Variants in ATXN2 observed in about 807,000 individuals in gnomAD.
The protein encoded by ATXN2 is ataxin 2, also known as ataxin-2.
Under a neutral mutation model 138.6 loss-of-function variants are expected in ATXN2, and 37 were observed. The ratio of observed to expected loss-of-function variants is 0.27; its 90% confidence interval spans 0.21 to 0.35. ATXN2 has a LOEUF of 0.35. Among genes scored for constraint, ATXN2 ranks in the 10% least tolerant of loss-of-function variants. ATXN2 has a pLI of 1.00. For missense variants in ATXN2, 1,216 were observed against 1,480.3 expected, an observed-to-expected ratio of 0.82 and a Z score of 2.93; for synonymous variants, 549 against 543.7, an observed-to-expected ratio of 1.01 and a Z score of -0.13.
intron 10 of ATXN2, among the ~76,000 whole-genome samples, chr12:111,515,678 G>C (rs892704290): frequency 1.3e-5 from 2 of 152,118 alleles, no homozygotes; most frequent in East Asian, 3.8e-4. Flanking sequence ...TTTAATCTAA[G>C]GGCAGACACG....
At chr12:111,568,534 CTAAT>C (rs1256636884) in intron 1 of ATXN2, among the ~76,000 whole-genome samples, 1 of 152,122 alleles carries the variant, frequency 6.6e-6, no homozygotes, top group African/African-American at 2.4e-5. Flanking sequence ...ATAGAAGTAA[CTAAT>C]TTTCTTTGGC....
chr12:111,583,916 G>A lies in ATXN2; in HGVS notation c.251+14868C>T, dbSNP rs149654844. Among the ~76,000 whole-genome samples the A allele has an allele frequency of 1.4e-3, 211 of 151,672 alleles. 2 individuals are homozygous for A. Among genetic ancestry groups the A allele is most frequent in the East Asian group, 0.012 (60 of 5,166 alleles). ...TAATACACAATTATACTAAAAAACT[G>A]GTCAATGTTCATCAAAAATTCAAAT... On this transcript the variant is annotated intron_variant, in intron 1 of 24. Transcript: ENST00000673436.
chr12:111,485,391 G>A lies in ATXN2; in HGVS notation c.2458-60C>T, dbSNP rs969697347. On this transcript the variant is annotated intron_variant, in intron 17 of 24. Transcript: ENST00000673436. Reference sequence around the variant, plus strand: ...ACCTATGATAATAACAAGGTATTCTGTCACTCTTAGTTTTATATTGCTAGA... The same window carrying A: ...ACCTATGATAATAACAAGGTATTCTATCACTCTTAGTTTTATATTGCTAGA... 5.6e-5 allele frequency: 81 copies of A among 1,452,452 alleles called. 1 individual carries two copies. In the South Asian group the frequency reaches 9.3e-4, roughly 17 times the overall value. The allele number at this position is 1,452,452 out of a possible 1,614,324, so 90.0% of individuals were successfully genotyped here.
At chr12:111,553,572 CAAAAAAAAAAAAAAAAA>C (rs757837884) in intron 3 of ATXN2, among the ~76,000 whole-genome samples, 13 of 48,930 alleles carry the variant, frequency 2.7e-4, no homozygotes, top group South Asian at 1.3e-3. Flanking sequence ...TCTTTTTTCT[CAAAAAAAAAAAAAAAAA>C]AAAAAAAAAA....
intron 3 of ATXN2, among the ~76,000 whole-genome samples, chr12:111,553,757 C>T (rs1008720789): frequency 1.3e-5 from 2 of 151,666 alleles, no homozygotes; most frequent in Admixed American, 6.6e-5. Context: ...CGTACCACCA[C>T]GTTCGGCTAG....
At position 111,510,009 on chromosome 12, in the gene ATXN2, A is replaced by AT; in HGVS notation, c.1757-12dup. ...GCCTGGAATCTTTAGCTAGAAAACAATTTTTTAAAAAAAATTCAGATAAGT... is the reference window on the plus strand; with the variant it reads ...GCCTGGAATCTTTAGCTAGAAAACAATTTTTTTAAAAAAAATTCAGATAAGT... On this transcript the variant is annotated splice_polypyrimidine_tract_variant and intron_variant, in intron 12 of 24. Coordinates refer to ENST00000673436, the MANE Select transcript of ATXN2 (RefSeq NM_001372574.1). 1 of 1,562,092 alleles carries AT rather than the reference A, an allele frequency of 6.4e-7. No individual in the cohort carries two copies. The highest frequency in any genetic ancestry group is 8.7e-7 in the Non-Finnish European group (1 of 1,148,746).
rs2238153 is a variant in ATXN2, at chr12:111,501,743, G to A, written c.1935+7806C>T. Among the ~76,000 whole-genome samples the A allele has an allele frequency of 0.03, 4,565 of 152,220 alleles. 782 individuals are homozygous for A. In the East Asian group the frequency reaches 0.5, roughly 17 times the overall value. On this transcript the variant is annotated intron_variant, in intron 14 of 24. Coordinates refer to ENST00000673436, the MANE Select transcript of ATXN2 (RefSeq NM_001372574.1). Reference sequence around the variant, plus strand: ...GTTCACAAAAATCTTTAGTAGAGGCGATCCACATAACAGACCAACTATATA... The same window carrying A: ...GTTCACAAAAATCTTTAGTAGAGGCAATCCACATAACAGACCAACTATATA...
chr12:111,589,299 G>A (rs184698167), intron 1 of ATXN2, among the ~76,000 whole-genome samples: 2 of 150,134 alleles, frequency 1.3e-5, no homozygotes, highest in East Asian at 4.0e-4. Flanking sequence ...TGGGTGACAG[G>A]GTAAGATCCT....
At chr12:111,481,097 G>C (rs1877195904) in intron 18 of ATXN2, among the ~76,000 whole-genome samples, 1 of 151,904 alleles carries the variant, frequency 6.6e-6, no homozygotes, top group Admixed American at 6.6e-5. Context: ...ATCATTTGAG[G>C]TCAGGAGTTC....
intron 5 of ATXN2, among the ~76,000 whole-genome samples, chr12:111,547,891 T>C (rs1881907943): frequency 6.8e-6 from 1 of 147,188 alleles, no homozygotes; most frequent in South Asian, 2.2e-4. Context: ...AGAAATCCTT[T>C]AACAACCATG....
chr12:111,582,137 C>G (rs1024813157), intron 1 of ATXN2, among the ~76,000 whole-genome samples: 1 of 152,094 alleles, frequency 6.6e-6, no homozygotes, highest in Non-Finnish European at 1.5e-5. Flanking sequence ...AGTTCAAAAC[C>G]AGCCCGGGTA....
At chr12:111,464,335 T>TTGTGTGTGTG (rs375641693) in intron 21 of ATXN2, among the ~76,000 whole-genome samples, 10 of 105,838 alleles carry the variant, frequency 9.4e-5, no homozygotes, top group South Asian at 8.1e-4. Context: ...GTGTGTGTGT[T>TTGTGTGTGTG]TGTGTGTGTG....
intron 22 of ATXN2, among the ~76,000 whole-genome samples, 178 bp downstream of exon 22, chr12:111,457,036 C>A (rs544304020): frequency 6.6e-6 from 1 of 152,326 alleles, no homozygotes; most frequent in East Asian, 1.9e-4. Context: ...GCGTGAGCCA[C>A]TGCGCCCAGC....
At chr12:111,523,375 C>G (rs1250620480) in intron 6 of ATXN2, among the ~76,000 whole-genome samples, 1 of 152,162 alleles carries the variant, frequency 6.6e-6, no homozygotes, top group East Asian at 1.9e-4. Flanking sequence ...CATCATAAAT[C>G]TAACTCATGC....
At chr12:111,531,659 G>C (rs186530674) in intron 5 of ATXN2, among the ~76,000 whole-genome samples, 7 of 152,106 alleles carry the variant, frequency 4.6e-5, no homozygotes, top group Non-Finnish European at 1.0e-4. Flanking sequence ...AAACAAGTTG[G>C]GGATAAGAAA....
At chr12:111,488,415 G>A (rs1877780598) in intron 15 of ATXN2, 61 bp downstream of exon 15, 4 of 1,505,048 alleles carry the variant, frequency 2.7e-6, no homozygotes, top group Non-Finnish European at 3.6e-6. Flanking sequence ...GGACCTAAAT[G>A]CCTTTAAAAA....
In ATXN2 at chr12:111,453,639, T is replaced by C. The variant is rs1482394382; in HGVS notation, c.3439+38A>G. The stretch of plus-strand genomic sequence containing the variant: ...TTCCACCTGTGCGAGCAGAATGCTT[T>C]GGGGTGCCCCGGCGGCCCCTGCACA... On this transcript the variant is annotated intron_variant, in intron 24 of 24. Transcript: ENST00000673436. This position sits in a 1 kb window ranked among gnomAD's most constrained non-coding sequence, Gnocchi z 5.4. 6.6e-7 allele frequency: 1 copy of C among 1,505,994 alleles called. No homozygotes were observed. Among genetic ancestry groups the C allele is most frequent in the Admixed American group, 2.3e-5 (1 of 43,924 alleles). 93.3% of individuals were successfully genotyped at this position (1,505,994 alleles called of 1,614,324 possible). A position where few individuals can be genotyped will look rare whatever the true frequency, so the allele number is the denominator to read the frequency against.
intron 1 of ATXN2, among the ~76,000 whole-genome samples, chr12:111,594,155 A>G (rs1203697462): frequency 2.0e-5 from 3 of 152,172 alleles, no homozygotes; most frequent in Admixed American, 6.6e-5. Flanking sequence ...GTAAACTCCA[A>G]AAGGACAATA....
chr12:111,501,845 T>C (rs1878789976), intron 14 of ATXN2, among the ~76,000 whole-genome samples: 1 of 152,094 alleles, frequency 6.6e-6, no homozygotes, highest in African/African-American at 2.4e-5. Context: ...TGGTGTTGCT[T>C]TTTCTTACAA....
Sources: gnomAD v4.1 joint callset for allele counts (sites outside exome capture counted in the v4.1 genomes callset) on GRCh38, gnomAD v4.1.1 for gene constraint, Gnocchi (gnomAD v3.1) non-coding constraint, MANE v1.5 for transcripts, NCBI Gene and HGNC (gene_info 2026-07-23, HGNC 2026-07-21) for gene names.